Variants in OBSL1 observed in about 807,000 individuals in gnomAD.
The protein encoded by OBSL1 is obscurin like cytoskeletal adaptor 1, also known as obscurin-like protein 1.
In OBSL1, 160 loss-of-function variants were observed where a neutral mutation model predicts 172.0. That is an observed-to-expected ratio of 0.93 (90% CI 0.82 to 1.06). The LOEUF is 1.06. Among genes scored for constraint, OBSL1 ranks in the 50% least tolerant of loss-of-function variants. The probability of loss-of-function intolerance (pLI) is 0.00; values close to 1 mark genes in which losing one functional copy is unlikely to be tolerated. For synonymous variants in OBSL1, 1,200 were observed against 1,196.3 expected (o/e 1.00, Z -0.06); for missense variants, 2,681 against 2,715.4 (o/e 0.99, Z 0.28).
At position 219,568,194 on chromosome 2, in the gene OBSL1, C is replaced by T; in HGVS notation, c.1143G>A (p.Leu381=). Residue 381 remains leucine (L), a synonymous_variant, in exon 2 of 21, where the codon CTG becomes CTA. Coordinates refer to ENST00000404537, the MANE Select transcript of OBSL1 (RefSeq NM_015311.3). This position sits in a 1 kb window ranked among gnomAD's most constrained non-coding sequence, Gnocchi z 4.1. ...TAWFREDQRL[L]PCRKYEQIEE... is the part of the protein sequence containing the mutation. The stretch of plus-strand genomic sequence containing the variant: ...CGATCTGCTCGTACTTGCGGCAGGG[C>T]AGCAGCCGCTGGTCCTCACGGAACC... The T allele has an allele frequency of 3.7e-6, 6 of 1,612,568 alleles. No homozygotes were observed. The East Asian group carries it at 1.3e-4, about 36-fold the overall frequency.
At position 219,570,634 on chromosome 2, in the gene OBSL1, C is replaced by G. The variant is rs2106116161; in HGVS notation, c.599G>C (p.Arg200Pro). ...ASLALRILAA[R>P]LPDSGVYVCH... is the part of the protein sequence containing the mutation. ...CACGTAGACGCCGGAATCCGGCAGC[C>G]GAGCCGCCAGGATGCGCAGTGCCAG... Residue 200 changes from arginine to proline, a missense_variant, in exon 1 of 21, where the codon CGG becomes CCG. Physicochemically the swap from Arg to Pro is moderately radical, Grantham distance 103 (BLOSUM62 -2). Transcript: ENST00000404537. 1 of 1,509,308 alleles carries G rather than the reference C, an allele frequency of 6.6e-7. No individual in the cohort carries two copies. The highest frequency in any genetic ancestry group is 2.1e-5 in the Admixed American group (1 of 47,010). 93.5% of individuals were successfully genotyped at this position (1,509,308 alleles called of 1,614,324 possible).
chr2:219,549,829 G>A (rs746972350), downstream of OBSL1: 2 of 1,614,088 alleles, frequency 1.2e-6, no homozygotes, highest in South Asian at 2.2e-5. Flanking sequence ...CTGACAGCCT[G>A]CTCAGGCCCC....
chr2:219,548,192 A>G (rs1203281768), downstream of OBSL1: 3 of 1,039,292 alleles, frequency 2.9e-6, 1 homozygote, highest in South Asian at 3.4e-5. Flanking sequence ...CGATGGCGGT[A>G]GAGAGCTGAC....
At chr2:219,565,650 A>G in intron 5 of OBSL1, 136 bp from the exon 6 acceptor site, 1 of 813,920 alleles carries the variant, frequency 1.2e-6, no homozygotes. Context: ...CCTTAAGAGC[A>G]GTGCTTTGGC....
chr2:219,563,501 T>A lies in OBSL1; in HGVS notation c.2534A>T (p.Gln845Leu), dbSNP rs765971382. ...DAPVRWYKDG[Q>L]EVEESDFVVL... ...CACGAAGTCACTCTCCTCCACCTCC[T>A]GCCCGTCCTTGTACCAACGCACAGG... The change falls in exon 7 of 21, where the codon CAG becomes CTG. Residue 845 changes from glutamine (Q) to leucine (L), a missense_variant. Transcript: ENST00000404537. The A allele has an allele frequency of 5.0e-6, 8 of 1,613,910 alleles. No individual in the cohort carries two copies. In the South Asian group the frequency reaches 7.7e-5, roughly 16 times the overall value.
In OBSL1 at chr2:219,557,539, C is replaced by T. The variant is rs1156585240; in HGVS notation, c.3870G>A (p.Val1290=). 6.4e-7 allele frequency: 1 copy of T among 1,553,118 alleles called. No individual in the cohort carries two copies. The highest frequency in any genetic ancestry group is 8.7e-7 in the Non-Finnish European group (1 of 1,148,778). Residue 1290 remains valine (V), a synonymous_variant, in exon 12 of 21, where the codon GTG becomes GTA. Transcript: ENST00000404537. ...GGCCCCCTGGCCCGGAGAGGTGCAC[C>T]ACCAGCTCTAGGTCCCCGCCTGGGG... The part of the protein sequence containing the change: ...RSTPGGDLEL[V]VHLSGPGGPV...
chr2:219,552,331 G>A, intron 18 of OBSL1, 115 bp from the exon 19 acceptor site: 2 of 1,032,116 alleles, frequency 1.9e-6, no homozygotes, highest in Non-Finnish European at 1.4e-6. Flanking sequence ...TGTATGCTAG[G>A]GTGGGCGGAA....
At chr2:219,553,361 G>C (rs1168892394) in intron 16 of OBSL1, among the ~76,000 whole-genome samples, 16 of 152,186 alleles carry the variant, frequency 1.1e-4, no homozygotes, top group Admixed American at 1.0e-3. Flanking sequence ...CCTTGGGTAG[G>C]TAATTTTTCC....
chr2:219,553,391 G>T (rs894162480), intron 16 of OBSL1, among the ~76,000 whole-genome samples, 183 bp downstream of exon 16: 1 of 152,194 alleles, frequency 6.6e-6, no homozygotes, highest in African/African-American at 2.4e-5. Context: ...TCAGTTTCCT[G>T]ATAGGTATTA....
chr2:219,550,965 T>C (rs1480527353), intron 20 of OBSL1, 123 bp from the exon 21 acceptor site: 26 of 1,536,978 alleles, frequency 1.7e-5, no homozygotes, highest in East Asian at 4.9e-5. Flanking sequence ...CTACCCTTTC[T>C]GGGCCTTGGT....
At chr2:219,557,102 T>C (rs1368051131) in intron 12 of OBSL1, 8 of 497,224 alleles carry the variant, frequency 1.6e-5, no homozygotes, top group Middle Eastern at 5.1e-4. Flanking sequence ...GCACAGAATC[T>C]AGGCTGGAAC....
rs1233165253 is a variant in OBSL1 at position 219,563,555 on chromosome 2, A to G, written c.2480T>C (p.Leu827Pro). 1 of 1,613,304 alleles carries G rather than the reference A, an allele frequency of 6.2e-7. No individual in the cohort carries two copies. Among genetic ancestry groups the G allele is most frequent in the Non-Finnish European group, 8.5e-7 (1 of 1,179,828 alleles). ...VHAITSECVM[L>P]ACEVDREDAP... ...GTCCTCTCGGTCCACCTCACAGGCC[A>G]GCATGACACACTCGGAAGTTATGGC... The change falls in exon 7 of 21, where the codon CTG becomes CCG. Residue 827 changes from leucine to proline, a missense_variant. This residue lies in a region of OBSL1 where 1,765 missense variants were observed against 1,748.3 expected (regional missense o/e 1.01). Transcript: ENST00000404537.
In OBSL1 at chr2:219,558,350, C is replaced by T; in HGVS notation, c.3336G>A (p.Val1112=). 1.2e-6 allele frequency: 2 copies of T among 1,612,490 alleles called. No individual in the cohort carries two copies. Among genetic ancestry groups the T allele is most frequent in the South Asian group, 1.1e-5 (1 of 90,856 alleles). Residue 1112 remains valine (V), a synonymous_variant, in exon 10 of 21, where the codon GTG becomes GTA. Transcript: ENST00000404537. ...RCEVAPAGSQ[V]RWYKDGLEVE... Reference sequence around the variant, plus strand: ...CTTCCAGCCCGTCCTTGTACCAGCGCACCTGAGACCCAGCTGGGGCCACCT... The same window carrying T: ...CTTCCAGCCCGTCCTTGTACCAGCGTACCTGAGACCCAGCTGGGGCCACCT...
At chr2:219,548,935 GC>G, downstream of OBSL1, 1 of 541,040 alleles carries the variant, frequency 1.8e-6, no homozygotes, top group East Asian at 3.4e-5. Flanking sequence ...TGGAAGCCTA[GC>G]AACCTTCCAT....
rs750202870 is a variant in OBSL1 at position 219,571,198 on chromosome 2, G to A, written c.35C>T (p.Pro12Leu). ...KASSGDQGSP[P>L]CFLRFPRPVR... ...AGGCCGCGGGAAGCGCAGGAAGCAC[G>A]GGGGGCTCCCCTGATCCCCCGAGCT... Residue 12 changes from proline (P) to leucine (L), a missense_variant, in exon 1 of 21, where the codon CCG (proline) becomes CTG (leucine). Pro to Leu is a moderately conservative substitution (Grantham distance 98). Transcript: ENST00000404537. 3 of 1,467,426 alleles carry A rather than the reference G, an allele frequency of 2.0e-6. No individual in the cohort carries two copies. Among genetic ancestry groups the A allele is most frequent in the Non-Finnish European group, 2.7e-6 (3 of 1,111,448 alleles). 90.9% of individuals were successfully genotyped at this position (1,467,426 alleles called of 1,614,324 possible). A position where few individuals can be genotyped will look rare whatever the true frequency, so the allele number is the denominator to read the frequency against.
In OBSL1 at chr2:219,551,532, C is replaced by T. The variant is rs1127325; in HGVS notation, c.5680G>A (p.Glu1894Lys). 6.3e-7 allele frequency: 1 copy of T among 1,586,838 alleles called. No homozygotes were observed. The highest frequency in any genetic ancestry group is 1.1e-5 in the South Asian group (1 of 87,080). The change falls in exon 20 of 21, where the codon GAG (glutamate) becomes AAG (lysine). Residue 1894 changes from glutamate (E) to lysine (K), a missense_variant. Transcript: ENST00000404537. The part of the protein sequence containing the change: ...QDSTHTRLLV[E>K]GN The stretch of plus-strand genomic sequence containing the variant: ...CTGCCCAGTTGGCTTTACTCACCCT[C>T]TACCAGCAGCCGTGTGTGGGTGCTG...
chr2:219,557,402 G>A lies in OBSL1; in HGVS notation c.4007C>T (p.Ala1336Val), dbSNP rs1216202759. Reference sequence around the variant, plus strand: ...GGGCGCATCGCACAGGTACTCCCCAGCGTCCCCGCTCCGTGCCCCCTGCAC... The same window carrying A: ...GGGCGCATCGCACAGGTACTCCCCAACGTCCCCGCTCCGTGCCCCCTGCAC... The part of the protein sequence containing the change: ...LRVQGARSGD[A>V]GEYLCDAPQD... Residue 1336 changes from alanine (A) to valine (V), a missense_variant, in exon 12 of 21, where the codon GCT becomes GTT. Physicochemically the swap from Ala to Val is moderately conservative, Grantham distance 64. Around this residue, in one of 5 missense-constraint regions of OBSL1, gnomAD observed 1,765 missense variants for 1,748.3 expected, o/e 1.01. Coordinates refer to ENST00000404537, the MANE Select transcript of OBSL1 (RefSeq NM_015311.3). The A allele has an allele frequency of 6.5e-7, 1 of 1,545,546 alleles. No homozygotes were observed. Among genetic ancestry groups the A allele is most frequent in the Non-Finnish European group, 8.7e-7 (1 of 1,144,844 alleles).
chr2:219,566,378 C>CA (rs542803567), intron 5 of OBSL1, among the ~76,000 whole-genome samples: 2,484 of 131,416 alleles, frequency 0.019, 61 homozygotes, highest in African/African-American at 0.06. Context: ...GACTCTATCT[C>CA]AAAAAAAAAA....
chr2:219,570,930 C>G lies in OBSL1; in HGVS notation c.303G>C (p.Val101=). ...CGGGGTCGGAGGCCGGCGGCTCCAGCACGGTGACGGCGGCCGCCGCGTAGG... is the reference window on the plus strand; with the variant it reads ...CGGGGTCGGAGGCCGGCGGCTCCAGGACGGTGACGGCGGCCGCCGCGTAGG... ...GEAYAAAAVT[V]LEPPASDPEL... The change falls in exon 1 of 21, where the codon GTG becomes GTC. Residue 101 remains valine, a synonymous_variant. Coordinates refer to ENST00000404537, the MANE Select transcript of OBSL1 (RefSeq NM_015311.3). 1 of 1,287,084 alleles carries G rather than the reference C, an allele frequency of 7.8e-7. No homozygotes were observed. The highest frequency in any genetic ancestry group is 9.8e-7 in the Non-Finnish European group (1 of 1,025,590). 79.7% of individuals were successfully genotyped at this position (1,287,084 alleles called of 1,614,324 possible). A position where few individuals can be genotyped will look rare whatever the true frequency, so the allele number is the denominator to read the frequency against.
Sources: gnomAD v4.1 joint callset for allele counts (sites outside exome capture counted in the v4.1 genomes callset) on GRCh38, gnomAD v4.1.1 for gene constraint, gnomAD v4.1.1 regional missense constraint, Gnocchi (gnomAD v3.1) non-coding constraint, MANE v1.5 for transcripts, NCBI Gene and HGNC (gene_info 2026-07-23, HGNC 2026-07-21) for gene names.